RNFT2: variants seen among roughly 807,000 people sequenced by gnomAD.
The protein encoded by RNFT2 is E3 ubiquitin-protein ligase RNFT2.
In RNFT2, 36 loss-of-function variants were observed where a neutral mutation model predicts 53.0. The observed-to-expected ratio is 0.68, with a 90% CI of 0.52 to 0.90. The LOEUF is 0.90. Among genes scored for constraint, RNFT2 ranks in the 40% least tolerant of loss-of-function variants. RNFT2 has a pLI of 0.00. For missense variants in RNFT2, 514 were observed against 585.6 expected (o/e 0.88, Z 1.26); for synonymous variants, 260 against 253.2 (o/e 1.03, Z -0.26).
At chr12:116,797,152 G>A (rs1041848625) in intron 7 of RNFT2, among the ~76,000 whole-genome samples, 7 of 152,196 alleles carry the variant, frequency 4.6e-5, no homozygotes, top group African/African-American at 1.7e-4. Flanking sequence ...CTCCCCAAAT[G>A]TTATGGATTG....
At chr12:116,825,491 G>A (rs1259947138) in intron 7 of RNFT2, among the ~76,000 whole-genome samples, 2 of 152,182 alleles carry the variant, frequency 1.3e-5, no homozygotes, top group Admixed American at 1.3e-4. Flanking sequence ...CCCTTCTTAT[G>A]TACCTGTGTT....
intron 7 of RNFT2, among the ~76,000 whole-genome samples, chr12:116,792,961 A>G (rs975121727): frequency 1.1e-4 from 16 of 152,084 alleles, no homozygotes; most frequent in African/African-American, 3.6e-4. Context: ...CACCTTGTCT[A>G]GGGACTTTGG....
intron 5 of RNFT2, 28 bp downstream of exon 5, chr12:116,754,088 G>A (rs746042483): frequency 5.6e-5 from 88 of 1,584,630 alleles, no homozygotes; most frequent in Non-Finnish European, 7.3e-5. Context: ...CTAGTCTCCT[G>A]TGGCTGCTGC....
intron 1 of RNFT2, among the ~76,000 whole-genome samples, chr12:116,739,679 A>C (rs1403899856): frequency 6.6e-6 from 1 of 152,168 alleles, no homozygotes; most frequent in Non-Finnish European, 1.5e-5. Flanking sequence ...ACGCTGACAC[A>C]TTAGAGGAAC....
At chr12:116,844,874 T>C (rs1185547821) in intron 10 of RNFT2, among the ~76,000 whole-genome samples, 1 of 152,170 alleles carries the variant, frequency 6.6e-6, no homozygotes, top group East Asian at 1.9e-4. Context: ...CCCATTTGGT[T>C]GGTCAATAGA....
intron 7 of RNFT2, among the ~76,000 whole-genome samples, chr12:116,784,078 G>A (rs1034945842): frequency 1.3e-5 from 2 of 152,226 alleles, no homozygotes; most frequent in Non-Finnish European, 2.9e-5. Context: ...AAATTGAAGA[G>A]CAAAGTCAGA....
chr12:116,746,294 C>A (rs1385281407), intron 3 of RNFT2, among the ~76,000 whole-genome samples: 1 of 152,058 alleles, frequency 6.6e-6, no homozygotes, highest in African/African-American at 2.4e-5. Context: ...GGGGCCCACC[C>A]ATAAAGATTT....
At chr12:116,772,862 T>G (rs998787149) in intron 6 of RNFT2, among the ~76,000 whole-genome samples, 1 of 152,162 alleles carries the variant, frequency 6.6e-6, no homozygotes, top group South Asian at 2.1e-4. Context: ...AGAGTCTTGC[T>G]CTGTCGCCCA....
intron 10 of RNFT2, among the ~76,000 whole-genome samples, chr12:116,838,270 T>C (rs1021448167): frequency 6.6e-6 from 1 of 152,210 alleles, no homozygotes; most frequent in Non-Finnish European, 1.5e-5. Flanking sequence ...TGCACCAACC[T>C]GGGCCCATCG....
chr12:116,779,347 A>G lies in RNFT2; in HGVS notation c.881A>G (p.Lys294Arg), dbSNP rs1481685812. 1 of 1,613,822 alleles carries G rather than the reference A, an allele frequency of 6.2e-7. No individual in the cohort carries two copies. Among genetic ancestry groups the G allele is most frequent in the Non-Finnish European group, 8.5e-7 (1 of 1,179,880 alleles). Residue 294 changes from lysine (K) to arginine (R), a missense_variant and splice_region_variant, in exon 7 of 11, where the codon AAG becomes AGG. Lys to Arg is a conservative substitution (Grantham distance 26). This residue lies in a region of RNFT2 where 273 missense variants were observed against 334.4 expected (regional missense o/e 0.82). Coordinates refer to ENST00000257575, the MANE Select transcript of RNFT2 (RefSeq NM_001382266.1). The stretch of plus-strand genomic sequence containing the variant: ...AAGATCATCCTGGCTGTCAAGTCCA[A>G]GGTAGGCACTGGCTGCGGCCACAAG... ...LPKIILAVKS[K>R]GKFYLVIEEL... is the part of the protein sequence containing the mutation.
intron 5 of RNFT2, among the ~76,000 whole-genome samples, chr12:116,761,539 T>C (rs768760497): frequency 6.6e-6 from 1 of 152,188 alleles, no homozygotes; most frequent in African/African-American, 2.4e-5. Context: ...TCCTCCTGCA[T>C]GTCCTCTGTG....
Position 116,849,382 on chromosome 12 carries a change from G to T in RNFT2, c.1269G>T (p.Ser423=). Residue 423 remains serine, a synonymous_variant, in exon 11 of 11, where the codon TCG becomes TCT. Transcript: ENST00000257575. ...AGCGCACCTGCCCGCTCTGCCGCTC[G>T]GTCGCCGTGGACACCCTGCGCTGCT... ...DRERTCPLCR[S]VAVDTLRCWK... is the part of the protein sequence containing the mutation. The T allele has an allele frequency of 1.3e-6, 2 of 1,559,302 alleles. No homozygotes were observed.
Position 116,852,308 on chromosome 12 carries a change from A to G in RNFT2, c.*2860A>G. On this transcript the variant is annotated 3_prime_UTR_variant, in exon 11 of 11. Transcript: ENST00000257575. ...GCCACCTCGCTGTCAGCCAGTATTA[A>G]CATGTCCCCTTCCCCCTGCCCCGCC... is the stretch of plus-strand genomic sequence containing the variant. 1.6e-6 allele frequency: 2 copies of G among 1,253,452 alleles called. No individual in the cohort carries two copies. The highest frequency in any genetic ancestry group is 4.3e-5 in the South Asian group (2 of 46,996). 77.6% of individuals were successfully genotyped at this position (1,253,452 alleles called of 1,614,324 possible). A position where few individuals can be genotyped will look rare whatever the true frequency, so the allele number is the denominator to read the frequency against.
At chr12:116,790,016 C>T (rs1874161954) in intron 7 of RNFT2, among the ~76,000 whole-genome samples, 1 of 151,234 alleles carries the variant, frequency 6.6e-6, no homozygotes, top group Non-Finnish European at 1.5e-5. Flanking sequence ...TGTAATAACT[C>T]ACTACCTCCT....
intron 3 of RNFT2, among the ~76,000 whole-genome samples, chr12:116,749,259 T>G (rs111402191): frequency 0.017 from 2,398 of 144,200 alleles, 21 homozygotes; most frequent in Middle Eastern, 0.021. Context: ...TCTGTACCTG[T>G]GTCCTAATCT....
intron 8 of RNFT2, among the ~76,000 whole-genome samples, chr12:116,834,303 G>A (rs1876848253): frequency 6.6e-6 from 1 of 152,018 alleles, no homozygotes; most frequent in South Asian, 2.1e-4. Context: ...ATATTTAGTA[G>A]AGACAGGGTT....
At chr12:116,764,553 C>T (rs568565472) in intron 5 of RNFT2, among the ~76,000 whole-genome samples, 3 of 152,128 alleles carry the variant, frequency 2.0e-5, no homozygotes, top group Non-Finnish European at 4.4e-5. Flanking sequence ...CTTCCTGACC[C>T]TTAGTCTCAT....
intron 7 of RNFT2, among the ~76,000 whole-genome samples, chr12:116,820,188 T>C (rs781751136): frequency 2.0e-5 from 3 of 152,206 alleles, no homozygotes; most frequent in African/African-American, 4.8e-5. Flanking sequence ...TTCCCTGGGC[T>C]CAGGTCATCC....
At chr12:116,741,832 G>A (rs1367949986) in intron 3 of RNFT2, among the ~76,000 whole-genome samples, 2 of 151,976 alleles carry the variant, frequency 1.3e-5, no homozygotes, top group African/African-American at 2.4e-5. Flanking sequence ...AAATTTTTTG[G>A]TAGAGACGGG....
Sources: gnomAD v4.1 joint callset for allele counts (sites outside exome capture counted in the v4.1 genomes callset) on GRCh38, gnomAD v4.1.1 for gene constraint, gnomAD v4.1.1 regional missense constraint, MANE v1.5 for transcripts, NCBI Gene and HGNC (gene_info 2026-07-23, HGNC 2026-07-21) for gene names.